CSMD1: variants seen among roughly 807,000 people sequenced by gnomAD.
The protein encoded by CSMD1 is CUB and Sushi multiple domains 1, also known as CUB and sushi domain-containing protein 1.
CSMD1 carries 213 observed loss-of-function variants against 417.5 expected under a neutral mutation model. The ratio of observed to expected loss-of-function variants is 0.51; its 90% CI spans 0.46 to 0.57. CSMD1 has a LOEUF of 0.57. Ranked by LOEUF, CSMD1 falls within the 20% of genes least tolerant of loss-of-function variation. The pLI, the probability that CSMD1 is intolerant of heterozygous loss-of-function variation, is 0.00. For synonymous variants in CSMD1, 2,862 were observed against 1,736.8 expected, an observed-to-expected ratio of 1.65 and a Z score of -16.11; for missense variants, 6,923 against 4,529.7, an observed-to-expected ratio of 1.53 and a Z score of -15.17.
intron 50 of CSMD1, among the ~76,000 whole-genome samples, chr8:3,049,062 A>T (rs1022750435): frequency 6.6e-6 from 1 of 152,132 alleles, no homozygotes; most frequent in Non-Finnish European, 1.5e-5. Context: ...GAATGGCCAA[A>T]ATCCAGACAC....
At chr8:3,055,837 C>T (rs1430949370) in intron 49 of CSMD1, among the ~76,000 whole-genome samples, 2 of 152,128 alleles carry the variant, frequency 1.3e-5, no homozygotes, top group South Asian at 2.1e-4. Context: ...CTTGCTGTAC[C>T]TCTCAATAAC....
intron 3 of CSMD1, among the ~76,000 whole-genome samples, chr8:4,104,716 T>A (rs1393843519): frequency 1.3e-5 from 2 of 152,128 alleles, no homozygotes; most frequent in African/African-American, 4.8e-5. Context: ...CTGGCAACAG[T>A]CCCAAGAGGA....
intron 9 of CSMD1, 54 bp downstream of exon 9, chr8:3,586,081 AT>A (rs1346129930): frequency 2.6e-6 from 4 of 1,566,130 alleles, no homozygotes; most frequent in Non-Finnish European, 3.5e-6. Flanking sequence ...ATTCATAAAA[AT>A]GCCAACCTTA....
chr8:4,732,961 G>C (rs541435939), intron 1 of CSMD1, among the ~76,000 whole-genome samples: 2 of 151,962 alleles, frequency 1.3e-5, no homozygotes, highest in African/African-American at 4.8e-5. Context: ...GGGAACAGGT[G>C]CATTTGTACC....
intron 2 of CSMD1, among the ~76,000 whole-genome samples, chr8:4,520,322 T>G (rs1054013649): frequency 6.6e-6 from 1 of 152,234 alleles, no homozygotes; most frequent in East Asian, 1.9e-4. Context: ...GAACATTTGC[T>G]GTAGATAATA....
intron 1 of CSMD1, among the ~76,000 whole-genome samples, chr8:4,914,421 C>A (rs571807442): frequency 6.6e-6 from 1 of 151,432 alleles, no homozygotes; most frequent in Non-Finnish European, 1.5e-5. Context: ...CTAAAAAATA[C>A]AAAAAAATTA....
intron 3 of CSMD1, among the ~76,000 whole-genome samples, chr8:4,072,227 G>C (rs775755598): frequency 3.9e-5 from 6 of 152,124 alleles, no homozygotes; most frequent in Non-Finnish European, 8.8e-5. Flanking sequence ...ATCCACAGTT[G>C]CAAGTGAAGA....
chr8:4,446,385 A>G (rs916932698), intron 2 of CSMD1, among the ~76,000 whole-genome samples: 2 of 152,050 alleles, frequency 1.3e-5, no homozygotes, highest in African/African-American at 2.4e-5. Flanking sequence ...CCAACTCCAT[A>G]AAAACAAACA....
chr8:4,272,955 T>C (rs1367674144), intron 3 of CSMD1, among the ~76,000 whole-genome samples: 1 of 152,184 alleles, frequency 6.6e-6, no homozygotes, highest in East Asian at 1.9e-4. Context: ...GTTCACAATA[T>C]TTTTAATTAC....
At chr8:3,176,144 T>G (rs1398564379) in intron 37 of CSMD1, among the ~76,000 whole-genome samples, 1 of 152,144 alleles carries the variant, frequency 6.6e-6, no homozygotes, top group African/African-American at 2.4e-5. Flanking sequence ...ATAGTCAAAT[T>G]TAGTGAAGAA....
chr8:4,971,204 G>A (rs950719280), intron 1 of CSMD1, among the ~76,000 whole-genome samples: 1 of 151,916 alleles, frequency 6.6e-6, no homozygotes, highest in African/African-American at 2.4e-5. Flanking sequence ...CTGACATAAT[G>A]ATATTAATGA....
At chr8:3,554,867 G>A (rs990158499) in intron 10 of CSMD1, among the ~76,000 whole-genome samples, 6 of 152,110 alleles carry the variant, frequency 3.9e-5, no homozygotes, top group Non-Finnish European at 2.9e-5. Context: ...CAGGCAGGGA[G>A]CCCCCTGCAG....
intron 2 of CSMD1, among the ~76,000 whole-genome samples, chr8:4,618,321 G>T (rs1174440732): frequency 6.6e-6 from 1 of 152,080 alleles, no homozygotes; most frequent in Non-Finnish European, 1.5e-5. Flanking sequence ...AGGAAATCCA[G>T]GAAGCCCAGC....
At chr8:3,368,343 A>G (rs766257075) in intron 19 of CSMD1, among the ~76,000 whole-genome samples, 4 of 152,012 alleles carry the variant, frequency 2.6e-5, no homozygotes, top group African/African-American at 7.2e-5. Flanking sequence ...ACTCTTGTTT[A>G]TTTTATTTTT....
intron 11 of CSMD1, among the ~76,000 whole-genome samples, chr8:3,489,616 C>T (rs187331334): frequency 2.0e-5 from 3 of 152,260 alleles, no homozygotes; most frequent in East Asian, 3.9e-4. Flanking sequence ...AAATATGACC[C>T]AAGTTCCTTC....
intron 2 of CSMD1, among the ~76,000 whole-genome samples, chr8:4,629,006 GT>G (rs895280378): frequency 6.6e-6 from 1 of 152,116 alleles, no homozygotes; most frequent in African/African-American, 2.4e-5. Flanking sequence ...AAATGTCATT[GT>G]TTTTAATGGT....
chr8:3,115,022 T>C (rs1407451864), intron 42 of CSMD1, among the ~76,000 whole-genome samples: 1 of 152,198 alleles, frequency 6.6e-6, no homozygotes, highest in East Asian at 1.9e-4. Context: ...ATTTAATGCC[T>C]AAAATTATAT....
chr8:4,099,206 G>GCGCA (rs1253776165), intron 3 of CSMD1, among the ~76,000 whole-genome samples: 6 of 148,572 alleles, frequency 4.0e-5, no homozygotes, highest in Non-Finnish European at 9.0e-5. Context: ...ACACACACAC[G>GCGCA]CACACACACA....
intron 67 of CSMD1, 110 bp downstream of exon 67, chr8:2,950,121 C>T: frequency 1.5e-6 from 1 of 686,312 alleles, no homozygotes; most frequent in Non-Finnish European, 2.6e-6. Context: ...TTTCAAGGGG[C>T]AGACACAAGA....
Sources: allele counts gnomAD v4.1 joint callset (sites outside exome capture counted in the v4.1 genomes callset), GRCh38; gene constraint gnomAD v4.1.1; transcripts MANE v1.5; gene names NCBI Gene and HGNC (gene_info 2026-07-23, HGNC 2026-07-21).